ANKRD6: variants seen among roughly 807,000 people sequenced by gnomAD.
The protein encoded by ANKRD6 is ankyrin repeat domain-containing protein 6.
A neutral mutation model predicts 82.3 loss-of-function variants in ANKRD6; 56 were observed. The observed-to-expected ratio is 0.68, with a 90% CI of 0.55 to 0.85. ANKRD6 has a LOEUF of 0.85. ANKRD6 is among the 40% of genes least tolerant of loss of function. The pLI, the probability that ANKRD6 is intolerant of heterozygous loss-of-function variation, is 0.00. For missense variants in ANKRD6, 852 were observed against 907.6 expected (o/e 0.94, Z 0.79); for synonymous variants, 347 against 352.1 (o/e 0.99, Z 0.16).
intron 1 of ANKRD6, among the ~76,000 whole-genome samples, chr6:89,459,306 G>A (rs370471210): frequency 5.9e-5 from 9 of 152,202 alleles, no homozygotes; most frequent in Admixed American, 3.3e-4. Context: ...TCGAACTCCC[G>A]ACCTCAGGTG....
chr6:89,475,076 A>G (rs1775885175), intron 1 of ANKRD6, among the ~76,000 whole-genome samples: 1 of 152,316 alleles, frequency 6.6e-6, no homozygotes, highest in South Asian at 2.1e-4. Flanking sequence ...TATATTCTTG[A>G]CCTGATCAGA....
intron 1 of ANKRD6, among the ~76,000 whole-genome samples, chr6:89,554,470 A>G (rs781771415): frequency 1.3e-5 from 2 of 151,720 alleles, no homozygotes; most frequent in Non-Finnish European, 2.9e-5. Context: ...ATATAAATTA[A>G]TATAGATTCT....
At chr6:89,435,272 A>G (rs1490014072) in intron 1 of ANKRD6, among the ~76,000 whole-genome samples, 1 of 152,208 alleles carries the variant, frequency 6.6e-6, no homozygotes, top group Non-Finnish European at 1.5e-5. Context: ...ACACCCAAGT[A>G]CGAGTCACCC....
Position 89,623,523 on chromosome 6 carries a change from G to A in ANKRD6, c.1011G>A (p.Arg337=). The change falls in exon 11 of 16, where the codon AGG becomes AGA. Residue 337 remains arginine, a synonymous_variant. Transcript: ENST00000339746. The part of the protein sequence containing the change: ...ASPEPRAKDD[R]RRKSRPKVSA... ...CAGAACCCAGAGCAAAGGATGACAG[G>A]AGGAGAAAGTCAAGGCCCAAGGTCA... is the stretch of plus-strand genomic sequence containing the variant. 6.3e-7 allele frequency: 1 copy of A among 1,587,522 alleles called. No individual in the cohort carries two copies. Among genetic ancestry groups the A allele is most frequent in the South Asian group, 1.1e-5 (1 of 87,196 alleles).
At position 89,541,387 on chromosome 6, in the gene ANKRD6, C is replaced by CTTTTTTTTTTTTTTTT. The variant is rs58643589; in HGVS notation, c.-143-25439_-143-25424dup. ...TCTAGGTATTTAATTTTACGTGTGG[C>CTTTTTTTTTTTTTTTT]TTTTTTTTTTTTTTTTTTTTTTTGA... On this transcript the variant is annotated intron_variant, in intron 1 of 15. Coordinates refer to ENST00000339746, the MANE Select transcript of ANKRD6 (RefSeq NM_001242809.2). Among the ~76,000 whole-genome samples the CTTTTTTTTTTTTTTTT allele has an allele frequency of 1.1e-4, 7 of 64,102 alleles. 2 individuals carry two copies. Among genetic ancestry groups the CTTTTTTTTTTTTTTTT allele is most frequent in the Non-Finnish European group, 1.9e-4 (7 of 37,396 alleles). The allele number at this position is 64,102 out of a possible 152,430, so 42.1% of individuals were successfully genotyped here. A position where few individuals can be genotyped will look rare whatever the true frequency, so the allele number is the denominator to read the frequency against.
At chr6:89,519,010 G>T (rs1317910035) in intron 1 of ANKRD6, among the ~76,000 whole-genome samples, 4 of 152,110 alleles carry the variant, frequency 2.6e-5, no homozygotes, top group African/African-American at 9.7e-5. Flanking sequence ...TTACATCTCT[G>T]ATGTCTCTTC....
chr6:89,474,503 C>T (rs1179068196), intron 1 of ANKRD6, among the ~76,000 whole-genome samples: 1 of 152,150 alleles, frequency 6.6e-6, no homozygotes, highest in African/African-American at 2.4e-5. Context: ...CTGCAAGCTC[C>T]ACCTCCTGGG....
At chr6:89,498,996 A>C (rs899704611) in intron 1 of ANKRD6, among the ~76,000 whole-genome samples, 1 of 152,170 alleles carries the variant, frequency 6.6e-6, no homozygotes, top group Non-Finnish European at 1.5e-5. Flanking sequence ...TGGAAATCTC[A>C]ATGTTCAATT....
intron 1 of ANKRD6, among the ~76,000 whole-genome samples, chr6:89,483,215 G>A (rs1304154957): frequency 6.6e-6 from 1 of 152,210 alleles, no homozygotes; most frequent in East Asian, 1.9e-4. Flanking sequence ...GATTGCTGAT[G>A]TATTTACTTA....
At position 89,612,441 on chromosome 6, in the gene ANKRD6, T is replaced by C. The variant is rs1490192470; in HGVS notation, c.516+71T>C. 9 of 1,374,372 alleles carry C rather than the reference T, an allele frequency of 6.5e-6. No individual in the cohort carries two copies. In the African/African-American group the frequency reaches 1.2e-4, roughly 18 times the overall value. 85.1% of individuals were successfully genotyped at this position (1,374,372 alleles called of 1,614,324 possible). On this transcript the variant is annotated intron_variant, in intron 6 of 15. Coordinates refer to ENST00000339746, the MANE Select transcript of ANKRD6 (RefSeq NM_001242809.2). ...ACTTCAGAAAATAACTTCATGAGCA[T>C]ACTTGAACCTTAACATCTAGAAATT...
intron 1 of ANKRD6, among the ~76,000 whole-genome samples, chr6:89,461,862 A>G (rs1433303042): frequency 1.3e-5 from 2 of 152,166 alleles, no homozygotes; most frequent in Non-Finnish European, 2.9e-5. Flanking sequence ...TACAATTCAT[A>G]TCATAAAAAT....
intron 2 of ANKRD6, among the ~76,000 whole-genome samples, chr6:89,581,804 G>C (rs1161238740): frequency 6.6e-6 from 1 of 152,226 alleles, no homozygotes; most frequent in Non-Finnish European, 1.5e-5. Context: ...ATTCCAGTGT[G>C]TTGTCACATC....
intron 1 of ANKRD6, among the ~76,000 whole-genome samples, chr6:89,508,530 G>T (rs1780145195): frequency 6.6e-6 from 1 of 152,088 alleles, no homozygotes; most frequent in African/African-American, 2.4e-5. Context: ...GATACGTGTG[G>T]GGGGCAAAAA....
chr6:89,525,952 T>C (rs1465972679), intron 1 of ANKRD6, among the ~76,000 whole-genome samples: 1 of 152,236 alleles, frequency 6.6e-6, no homozygotes, highest in African/African-American at 2.4e-5. Flanking sequence ...GTAAATCAGA[T>C]TTAGGAAGAC....
rs1048914028 is a variant in ANKRD6, at chr6:89,511,160, A to C, written c.-143-55674A>C. Among the ~76,000 whole-genome samples the C allele has an allele frequency of 3.3e-5, 5 of 152,192 alleles. No individual in the cohort carries two copies. In the South Asian group the frequency reaches 6.2e-4, roughly 19 times the overall value. ...GTACGAGTGGGCCCACCACAGCCCG[A>C]TTCCTCTTCCTCCGTAGACTCTTCC... On this transcript the variant is annotated intron_variant, in intron 1 of 15. Transcript: ENST00000339746.
chr6:89,507,100 G>A (rs1464079224), intron 1 of ANKRD6, among the ~76,000 whole-genome samples: 2 of 152,158 alleles, frequency 1.3e-5, no homozygotes, highest in African/African-American at 4.8e-5. Flanking sequence ...AATTAACATT[G>A]TGATGACCAC....
intron 1 of ANKRD6, among the ~76,000 whole-genome samples, chr6:89,471,081 T>G (rs1054028299): frequency 3.9e-5 from 6 of 152,126 alleles, no homozygotes; most frequent in Non-Finnish European, 8.8e-5. Context: ...TTTCCTTCAA[T>G]TAGACTGAAG....
rs1471153773 is a variant in ANKRD6, at chr6:89,500,112, CTTT to C, written c.-143-66720_-143-66718del. On this transcript the variant is annotated intron_variant, in intron 1 of 15. Coordinates refer to ENST00000339746, the MANE Select transcript of ANKRD6 (RefSeq NM_001242809.2). ...GTCACCTTTCCCACCTCTGGTGGCT[CTTT>C]TATCTTGCTCCAGTTGATGACCTTG... Among the ~76,000 whole-genome samples, 732 of 152,246 alleles carry C rather than the reference CTTT, an allele frequency of 4.8e-3. 8 individuals carry two copies. The highest frequency in any genetic ancestry group is 0.017 in the Middle Eastern group (5 of 294).
intron 1 of ANKRD6, among the ~76,000 whole-genome samples, chr6:89,542,976 A>T (rs562344846): frequency 2.0e-5 from 3 of 152,178 alleles, no homozygotes; most frequent in African/African-American, 7.2e-5. Context: ...AAGGGTGGGG[A>T]TTTTATTTAT....
Sources: gnomAD v4.1 joint callset for allele counts (sites outside exome capture counted in the v4.1 genomes callset) on GRCh38, gnomAD v4.1.1 for gene constraint, MANE v1.5 for transcripts, NCBI Gene and HGNC (gene_info 2026-07-23, HGNC 2026-07-21) for gene names.